Variants in NRDE2 observed in about 807,000 individuals in gnomAD.
The protein encoded by NRDE2 is nuclear exosome regulator NRDE2.
In NRDE2, 76 loss-of-function variants were observed where a neutral mutation model predicts 124.2. The ratio of observed to expected loss-of-function variants is 0.61; its 90% confidence interval spans 0.51 to 0.74. The LOEUF (loss-of-function observed/expected upper bound fraction) is 0.74. Ranked by LOEUF, NRDE2 falls within the 30% of genes least tolerant of loss-of-function variation. The pLI, the probability that NRDE2 is intolerant of heterozygous loss-of-function variation, is 0.00. For synonymous variants in NRDE2, 489 were observed against 528.1 expected, an observed-to-expected ratio of 0.93 and a Z score of 1.01; for missense variants, 1,314 against 1,417.3, an observed-to-expected ratio of 0.93 and a Z score of 1.17.
intron 12 of NRDE2, among the ~76,000 whole-genome samples, chr14:90,284,029 T>G (rs1392704770): frequency 1.3e-5 from 2 of 152,066 alleles, no homozygotes; most frequent in East Asian, 3.9e-4. Context: ...TCATTTTTGA[T>G]GCCAACTTCT....
chr14:90,270,521 G>A lies in NRDE2; in HGVS notation c.*7815C>T. ...AATGGTATATGTGCTTGATATTGAA[G>A]TCATTCTTAATGCATCATTTTATGC... On this transcript the variant is annotated 3_prime_UTR_variant, in exon 14 of 14. Coordinates refer to ENST00000354366, the MANE Select transcript of NRDE2 (RefSeq NM_017970.4). 1.4e-6 allele frequency: 1 copy of A among 736,376 alleles called. No homozygotes were observed. Among genetic ancestry groups the A allele is most frequent in the Non-Finnish European group, 2.0e-6 (1 of 490,836 alleles). 45.6% of individuals were successfully genotyped at this position (736,376 alleles called of 1,614,324 possible).
At chr14:90,326,138 T>C (rs1262833689) in intron 1 of NRDE2, among the ~76,000 whole-genome samples, 2 of 152,052 alleles carry the variant, frequency 1.3e-5, no homozygotes, top group African/African-American at 4.8e-5. Flanking sequence ...ATGAGGAAGA[T>C]CTCTATAGAG....
intron 1 of NRDE2, among the ~76,000 whole-genome samples, chr14:90,327,330 G>A (rs1885477418): frequency 6.6e-6 from 1 of 152,008 alleles, no homozygotes; most frequent in African/African-American, 2.4e-5. Flanking sequence ...CGGGAGCACT[G>A]CTTGAGGCCA....
intron 4 of NRDE2, among the ~76,000 whole-genome samples, chr14:90,308,135 T>C (rs1247745342): frequency 1.3e-5 from 2 of 152,148 alleles, no homozygotes; most frequent in Non-Finnish European, 2.9e-5. Context: ...CAAAGTTGGC[T>C]CCTAAACATA....
Position 90,270,358 on chromosome 14 carries a change from A to G in NRDE2, c.*7978T>C. On this transcript the variant is annotated 3_prime_UTR_variant, in exon 14 of 14. Transcript: ENST00000354366. Reference sequence around the variant, plus strand: ...TCTCTGGTGCTGACATCAAGGTGAGAGCCTAGCCGTGTCAGCTTATTTCTG... The same window carrying G: ...TCTCTGGTGCTGACATCAAGGTGAGGGCCTAGCCGTGTCAGCTTATTTCTG... 1 of 1,610,724 alleles carries G rather than the reference A, an allele frequency of 6.2e-7. No homozygotes were observed.
In NRDE2 at chr14:90,288,798, A is replaced by G. The variant is rs1173465550; in HGVS notation, c.2577T>C (p.Tyr859=). 5 of 1,614,022 alleles carry G rather than the reference A, an allele frequency of 3.1e-6. No individual in the cohort carries two copies. The highest frequency in any genetic ancestry group is 1.3e-5 in the African/African-American group (1 of 74,940). ...ILTKLTESSP[Y]GPYTGQVLAV... ...CCAACACCTGTCCAGTGTAGGGCCC[A>G]TAGGGGCTGCTCTCAGTCAGCTTGG... Residue 859 remains tyrosine (Y), a synonymous_variant, in exon 11 of 14, where the codon TAT becomes TAC. Transcript: ENST00000354366.
chr14:90,317,502 C>T (rs921530987), intron 2 of NRDE2, among the ~76,000 whole-genome samples: 1 of 152,166 alleles, frequency 6.6e-6, no homozygotes, highest in Non-Finnish European at 1.5e-5. Context: ...GTTTCACAAC[C>T]TATTCACCCT....
In NRDE2 at chr14:90,275,305, G is replaced by A. The variant is rs1466019189; in HGVS notation, c.*3031C>T. ...TGCGTCCATGCTGACTTCCTGTTCA[G>A]TGTCTGTATCGTGGGCGGGTAGCAG... On this transcript the variant is annotated 3_prime_UTR_variant, in exon 14 of 14. Coordinates refer to ENST00000354366, the MANE Select transcript of NRDE2 (RefSeq NM_017970.4). 1.3e-5 allele frequency: 2 copies of A among 152,144 alleles called. No homozygotes were observed. Among genetic ancestry groups the A allele is most frequent in the African/African-American group, 2.4e-5 (1 of 41,424 alleles). 9.4% of individuals were successfully genotyped at this position (152,144 alleles called of 1,614,324 possible).
chr14:90,298,794 G>A (rs1595064034), intron 7 of NRDE2, among the ~76,000 whole-genome samples: 1 of 152,146 alleles, frequency 6.6e-6, no homozygotes, highest in East Asian at 1.9e-4. Context: ...TCTAACCAGG[G>A]ACAGTGGCAC....
Position 90,270,287 on chromosome 14 carries a change from G to A in NRDE2, c.*8049C>T. The A allele has an allele frequency of 6.2e-7, 1 of 1,613,732 alleles. No homozygotes were observed. Among genetic ancestry groups the A allele is most frequent in the South Asian group, 1.1e-5 (1 of 91,066 alleles). ...GATTCACACAAGCAGGATGACGCTG[G>A]CTGATGATGTAACCCTGGACGACCT... On this transcript the variant is annotated 3_prime_UTR_variant, in exon 14 of 14. Transcript: ENST00000354366.
intron 4 of NRDE2, among the ~76,000 whole-genome samples, chr14:90,305,043 GA>G (rs1386547535): frequency 6.6e-6 from 1 of 151,930 alleles, no homozygotes; most frequent in African/African-American, 2.4e-5. Context: ...AAAAGCTAAG[GA>G]AAATTGTACA....
Position 90,272,171 on chromosome 14 carries a change from G to A in NRDE2, c.*6165C>T. The A allele has an allele frequency of 7.4e-7, 1 of 1,343,246 alleles. No individual in the cohort carries two copies. Among genetic ancestry groups the A allele is most frequent in the Non-Finnish European group, 1.0e-6 (1 of 976,520 alleles). 83.2% of individuals were successfully genotyped at this position (1,343,246 alleles called of 1,614,324 possible). The stretch of plus-strand genomic sequence containing the variant: ...GGCCTCCCAGAGTGCTGGGATTACA[G>A]GTGTGAGCCACCGCGCCTGGCCTCA... On this transcript the variant is annotated 3_prime_UTR_variant, in exon 14 of 14. Coordinates refer to ENST00000354366, the MANE Select transcript of NRDE2 (RefSeq NM_017970.4). This position sits in a 1 kb window ranked among gnomAD's most constrained non-coding sequence, Gnocchi z 4.5.
chr14:90,290,696 T>C (rs1892251879), intron 9 of NRDE2, 89 bp from the exon 10 acceptor site: 1 of 1,329,880 alleles, frequency 7.5e-7, no homozygotes, highest in Admixed American at 2.6e-5. Context: ...GTACTAATGG[T>C]TCAACATTAT....
At position 90,331,874 on chromosome 14, in the gene NRDE2, T is replaced by C; in HGVS notation, c.31A>G (p.Ser11Gly). The C allele has an allele frequency of 6.2e-7, 1 of 1,614,146 alleles. No homozygotes were observed. Among genetic ancestry groups the C allele is most frequent in the Non-Finnish European group, 8.5e-7 (1 of 1,180,032 alleles). Residue 11 changes from serine to glycine, a missense_variant, in exon 1 of 14, where the codon AGT becomes GGT. By Grantham distance (56) the Ser-to-Gly change is moderately conservative (BLOSUM62 0). Coordinates refer to ENST00000354366, the MANE Select transcript of NRDE2 (RefSeq NM_017970.4). Reference protein sequence around the residue: MALFPAFAGLSEAPDGGSSRK... With the variant: MALFPAFAGLGEAPDGGSSRK... ...GAGCTCCCGCCATCGGGAGCCTCAC[T>C]AAGCCCCGCAAAGGCTGGGAACAGC... is the stretch of plus-strand genomic sequence containing the variant.
At chr14:90,312,320 C>A in intron 4 of NRDE2, 74 bp downstream of exon 4, 2 of 1,406,192 alleles carry the variant, frequency 1.4e-6, no homozygotes, top group African/African-American at 1.4e-5. Flanking sequence ...GGCAGGCAGA[C>A]AGTGCCAAGA....
At chr14:90,318,716 T>C (rs1250291623) in intron 1 of NRDE2, among the ~76,000 whole-genome samples, 1 of 152,124 alleles carries the variant, frequency 6.6e-6, no homozygotes, top group East Asian at 1.9e-4. Context: ...AGGAGATTGC[T>C]TGAACCTGGG....
intron 3 of NRDE2, among the ~76,000 whole-genome samples, chr14:90,316,186 G>T (rs558120260): frequency 6.6e-6 from 1 of 152,274 alleles, no homozygotes; most frequent in East Asian, 1.9e-4. Flanking sequence ...GTTGATAGGA[G>T]TGACTGAATG....
At position 90,278,405 on chromosome 14, in the gene NRDE2, G is replaced by T. The variant is rs747565322; in HGVS notation, c.3426C>A (p.Asp1142Glu). 3 of 1,614,018 alleles carry T rather than the reference G, an allele frequency of 1.9e-6. No homozygotes were observed. The East Asian group carries it at 6.7e-5, about 36-fold the overall frequency. ...CCCGGAGCTCCTTCTCAGTCATCAG[G>T]TCCAGGATCTCCTGCATCTCATCGG... ...YFPDEMQEIL[D>E]LMTEKELRVR... is the part of the protein sequence containing the mutation. The change falls in exon 14 of 14, where the codon GAC (aspartate) becomes GAA (glutamate). Residue 1142 changes from aspartate to glutamate, a missense_variant. Coordinates refer to ENST00000354366, the MANE Select transcript of NRDE2 (RefSeq NM_017970.4).
At chr14:90,287,702 G>A (rs1892146061) in intron 11 of NRDE2, among the ~76,000 whole-genome samples, 1 of 152,176 alleles carries the variant, frequency 6.6e-6, no homozygotes, top group Admixed American at 6.5e-5. Context: ...AATGCTGACA[G>A]AAGCTCCCAG....
Sources: gnomAD v4.1 joint callset for allele counts (sites outside exome capture counted in the v4.1 genomes callset) on GRCh38, gnomAD v4.1.1 for gene constraint, Gnocchi (gnomAD v3.1) non-coding constraint, MANE v1.5 for transcripts, NCBI Gene and HGNC (gene_info 2026-07-23, HGNC 2026-07-21) for gene names.